The following TRAPPC8 variants were observed in gnomAD, a reference collection of about 807,000 sequenced individuals.
The protein encoded by TRAPPC8 is general sporulation gene 1 homolog.
TRAPPC8 carries 54 observed loss-of-function variants against 174.3 expected under a neutral mutation model. The observed-to-expected ratio is 0.31, with a 90% CI of 0.25 to 0.39. TRAPPC8 has a LOEUF of 0.39. Ranked by LOEUF, TRAPPC8 falls within the 10% of genes least tolerant of loss-of-function variation. TRAPPC8 has a pLI of 1.00. For synonymous variants in TRAPPC8, 630 were observed against 579.9 expected, an observed-to-expected ratio of 1.09 and a Z score of -1.24; for missense variants, 1,531 against 1,699.1, an observed-to-expected ratio of 0.90 and a Z score of 1.74.
At position 31,875,249 on chromosome 18, in the gene TRAPPC8, C is replaced by T. The variant is rs567747067; in HGVS notation, c.1729-545G>A. ...ATTTATCAAAGTTTTTTCTTGCCTA[C>T]GATCAGAGACTTACATTGAATGTAT... On this transcript the variant is annotated intron_variant, in intron 12 of 28. Coordinates refer to ENST00000283351, the MANE Select transcript of TRAPPC8 (RefSeq NM_014939.5). 4.0e-5 allele frequency among the ~76,000 whole-genome samples: 6 copies of T among 151,516 alleles called. No homozygotes were observed. In the East Asian group the frequency reaches 5.8e-4, roughly 15 times the overall value.
chr18:31,912,204 A>G (rs975681886), intron 5 of TRAPPC8, among the ~76,000 whole-genome samples: 2 of 152,116 alleles, frequency 1.3e-5, no homozygotes, highest in Non-Finnish European at 2.9e-5. Context: ...AAAAGGTACG[A>G]AAGAGGCTGG....
intron 11 of TRAPPC8, among the ~76,000 whole-genome samples, chr18:31,891,609 G>A (rs1313871672): frequency 1.3e-5 from 2 of 152,070 alleles, no homozygotes; most frequent in Non-Finnish European, 2.9e-5. Flanking sequence ...ACAGATAACT[G>A]AGAAAGTACT....
intron 2 of TRAPPC8, among the ~76,000 whole-genome samples, chr18:31,918,468 C>T (rs2037241794): frequency 6.6e-6 from 1 of 152,138 alleles, no homozygotes; most frequent in African/African-American, 2.4e-5. Flanking sequence ...CTGGCAACGT[C>T]TCAAGATATT....
chr18:31,870,279 T>C, intron 16 of TRAPPC8, 93 bp downstream of exon 16: 1 of 1,147,184 alleles, frequency 8.7e-7, no homozygotes. Context: ...CAAAAAGAAG[T>C]ATAGCTCACT....
At chr18:31,849,893 A>C (rs1226140248) in intron 24 of TRAPPC8, among the ~76,000 whole-genome samples, 154 bp from the exon 25 acceptor site, 1 of 152,172 alleles carries the variant, frequency 6.6e-6, no homozygotes, top group East Asian at 1.9e-4. Flanking sequence ...AATTCTTGTC[A>C]ATGTAGTTGA....
intron 12 of TRAPPC8, among the ~76,000 whole-genome samples, chr18:31,890,218 A>T (rs1250878390): frequency 6.6e-6 from 1 of 152,180 alleles, no homozygotes; most frequent in Non-Finnish European, 1.5e-5. Context: ...TTCTAGGACA[A>T]CTGGGGCCGG....
intron 17 of TRAPPC8, 126 bp from the exon 18 acceptor site, chr18:31,867,101 T>C: frequency 2.0e-6 from 2 of 1,000,044 alleles, no homozygotes; most frequent in Non-Finnish European, 1.4e-6. Context: ...AATTAATTTA[T>C]GAAAAGCATC....
At chr18:31,898,224 G>T (rs928181185) in intron 10 of TRAPPC8, among the ~76,000 whole-genome samples, 8 of 151,260 alleles carry the variant, frequency 5.3e-5, no homozygotes, top group Non-Finnish European at 1.0e-4. Context: ...ATTATTTATT[G>T]TTGGTTTTTT....
At chr18:31,870,180 G>C (rs1598637491) in intron 16 of TRAPPC8, 192 bp downstream of exon 16, 3 of 401,234 alleles carry the variant, frequency 7.5e-6, no homozygotes, top group Admixed American at 4.4e-5. Context: ...AAGACAGATG[G>C]TTTCACTTCT....
At chr18:31,850,148 T>C (rs2033635125) in intron 24 of TRAPPC8, among the ~76,000 whole-genome samples, 1 of 152,022 alleles carries the variant, frequency 6.6e-6, no homozygotes, top group Non-Finnish European at 1.5e-5. Context: ...TTGCCAGTTT[T>C]GCCATGTTAC....
intron 1 of TRAPPC8, 134 bp downstream of exon 1, chr18:31,942,474 G>A: frequency 8.2e-7 from 1 of 1,218,720 alleles, no homozygotes; most frequent in Non-Finnish European, 1.1e-6. Flanking sequence ...AGCACCGCGG[G>A]GCCACAGCCC....
Position 31,909,685 on chromosome 18 carries a change from A to G in TRAPPC8, c.847T>C (p.Leu283=). Residue 283 remains leucine, a synonymous_variant, in exon 6 of 29, where the codon TTA becomes CTA. Coordinates refer to ENST00000283351, the MANE Select transcript of TRAPPC8 (RefSeq NM_014939.5). ...TCAAGACCTTTGACTTCGTTATCTA[A>G]TCCATCCAATGAAAGCAAGTTATTA... ...SDNNLLSLDG[L]DNEVKDGLPN... 6.2e-7 allele frequency: 1 copy of G among 1,600,982 alleles called. No individual in the cohort carries two copies. The highest frequency in any genetic ancestry group is 8.5e-7 in the Non-Finnish European group (1 of 1,176,544).
chr18:31,890,305 T>C lies in TRAPPC8; in HGVS notation c.1728+430A>G, dbSNP rs1019810418. On this transcript the variant is annotated intron_variant, in intron 12 of 28. Transcript: ENST00000283351. ...ACAACAGACAGAAGATGTCTATACA[T>C]TAAGTATTTAGTCAATAGCATTATA... Among the ~76,000 whole-genome samples, 3 of 152,134 alleles carry C rather than the reference T, an allele frequency of 2.0e-5. No homozygotes were observed. The South Asian group carries it at 6.2e-4, about 31-fold the overall frequency.
chr18:31,885,173 A>T (rs1019809769), intron 12 of TRAPPC8, among the ~76,000 whole-genome samples: 2 of 152,282 alleles, frequency 1.3e-5, no homozygotes, highest in South Asian at 2.1e-4. Context: ...AAGTTTTTTT[A>T]AAAAAGAAAT....
At chr18:31,865,241 TA>T (rs1160356749) in intron 18 of TRAPPC8, among the ~76,000 whole-genome samples, 1 of 152,108 alleles carries the variant, frequency 6.6e-6, no homozygotes, top group African/African-American at 2.4e-5. Flanking sequence ...GGAATATAAA[TA>T]ACTGAATCTT....
chr18:31,858,781 G>A (rs1329264681), intron 19 of TRAPPC8, among the ~76,000 whole-genome samples: 1 of 152,188 alleles, frequency 6.6e-6, no homozygotes, highest in Non-Finnish European at 1.5e-5. Flanking sequence ...TAAGTTATCT[G>A]CATTTAAAAG....
At chr18:31,841,350 T>G (rs1348228788) in intron 26 of TRAPPC8, among the ~76,000 whole-genome samples, 1 of 152,024 alleles carries the variant, frequency 6.6e-6, no homozygotes, top group Non-Finnish European at 1.5e-5. Context: ...GCAATAAAAA[T>G]TACTACTTTT....
chr18:31,870,879 G>C, intron 15 of TRAPPC8, 47 bp downstream of exon 15: 1 of 1,399,058 alleles, frequency 7.1e-7, no homozygotes. Flanking sequence ...TCATCATGCT[G>C]TAAGTAAAAC....
At chr18:31,916,161 A>T in intron 4 of TRAPPC8, 111 bp downstream of exon 4, 1 of 790,238 alleles carries the variant, frequency 1.3e-6, no homozygotes, top group Non-Finnish European at 1.8e-6. Flanking sequence ...AATTCACATT[A>T]AACTTTTACA....
Sources: gnomAD v4.1 joint callset for allele counts (sites outside exome capture counted in the v4.1 genomes callset) on GRCh38, gnomAD v4.1.1 for gene constraint, MANE v1.5 for transcripts, NCBI Gene and HGNC (gene_info 2026-07-23, HGNC 2026-07-21) for gene names.